MYH11: variants seen among roughly 807,000 people sequenced by gnomAD.
The protein encoded by MYH11 is myosin heavy chain 11.
MYH11 carries 80 observed loss-of-function variants against 246.6 expected under a neutral mutation model. That is an observed-to-expected ratio of 0.32 (90% CI 0.27 to 0.39). The LOEUF (loss-of-function observed/expected upper bound fraction) is 0.39, where lower values mean the gene tolerates loss of function less well. Ranked by LOEUF, MYH11 falls within the 10% of genes least tolerant of loss-of-function variation. The pLI, the probability that MYH11 is intolerant of heterozygous loss-of-function variation, is 1.00. For synonymous variants in MYH11, 1,071 were observed against 1,015.5 expected, an observed-to-expected ratio of 1.05 and a Z score of -1.04; for missense variants, 2,158 against 2,546.8, an observed-to-expected ratio of 0.85 and a Z score of 3.29.
chr16:15,828,432 T>G (rs2043629363), intron 2 of MYH11, among the ~76,000 whole-genome samples: 1 of 152,146 alleles, frequency 6.6e-6, no homozygotes, highest in Admixed American at 6.6e-5. Flanking sequence ...CTCTCCTCTT[T>G]TAGAGCTCTG....
chr16:15,838,323 A>G (rs1384851521), intron 1 of MYH11, 54 bp from the exon 2 acceptor site: 4 of 1,442,158 alleles, frequency 2.8e-6, no homozygotes, highest in Non-Finnish European at 3.9e-6. Flanking sequence ...CCCGGAAGAC[A>G]GACCAACCAC....
chr16:15,707,650 C>T (rs1156765951), intron 40 of MYH11, among the ~76,000 whole-genome samples: 1 of 152,162 alleles, frequency 6.6e-6, no homozygotes, highest in Admixed American at 6.6e-5. Flanking sequence ...TTGGTTTGGC[C>T]TCTCCATGAG....
intron 31 of MYH11, 48 bp from the exon 32 acceptor site, chr16:15,721,682 C>G (rs771836311): frequency 6.3e-7 from 1 of 1,595,560 alleles, no homozygotes; most frequent in Non-Finnish European, 8.6e-7. Flanking sequence ...CCGGGGTCAG[C>G]GTCACTGAAT....
Position 15,719,228 on chromosome 16 carries a change from C to A in MYH11, c.5163G>T (p.Leu1721=), listed in dbSNP as rs777919235. 16 of 1,613,634 alleles carry A rather than the reference C, an allele frequency of 9.9e-6. No individual in the cohort carries two copies. The East Asian group carries it at 3.3e-4, about 34-fold the overall frequency. ...TCCATTCAGTTTCCTACCTTCCCGA[C>A]AGGCTACTGGCCAGCTCCTCTGCCA... ...EELAEELASS[L]SGRNALQDEK... is the part of the protein sequence containing the mutation. The change falls in exon 36 of 41, where the codon CTG becomes CTT. Residue 1721 remains leucine (L), a synonymous_variant. Coordinates refer to ENST00000300036, the MANE Select transcript of MYH11 (RefSeq NM_002474.3).
At chr16:15,780,303 G>C (rs1044005532) in intron 6 of MYH11, among the ~76,000 whole-genome samples, 3 of 151,904 alleles carry the variant, frequency 2.0e-5, no homozygotes, top group Non-Finnish European at 4.4e-5. Context: ...GTGAACAGTG[G>C]GGCCAAGGAT....
At chr16:15,751,694 C>A (rs894640843) in intron 15 of MYH11, among the ~76,000 whole-genome samples, 4 of 149,780 alleles carry the variant, frequency 2.7e-5, no homozygotes, top group Non-Finnish European at 4.4e-5. Flanking sequence ...CTCACTGCAA[C>A]CTTCACCACC....
Position 15,726,972 on chromosome 16 carries a change from T to C in MYH11, c.3734A>G (p.Gln1245Arg). 3 of 1,611,954 alleles carry C rather than the reference T, an allele frequency of 1.9e-6. No individual in the cohort carries two copies. Among genetic ancestry groups the C allele is most frequent in the Non-Finnish European group, 2.5e-6 (3 of 1,178,810 alleles). Residue 1245 changes from glutamine (Q) to arginine (R), a missense_variant, in exon 28 of 41, where the codon CAG becomes CGG. Gln to Arg is a conservative substitution (Grantham distance 43, BLOSUM62 1). Transcript: ENST00000300036. Reference sequence around the variant, plus strand: ...CTTATGTTCCACCTCCTGCTTGGCCTGGCCCAGGACCCGCAGCTCCCCGGC... The same window carrying C: ...CTTATGTTCCACCTCCTGCTTGGCCCGGCCCAGGACCCGCAGCTCCCCGGC... ...DLAGELRVLGQAKQEVEHKKK... is the reference protein window; with the variant it reads ...DLAGELRVLGRAKQEVEHKKK...
intron 38 of MYH11, 46 bp downstream of exon 38, chr16:15,717,094 C>G (rs1389494517): frequency 1.9e-6 from 3 of 1,595,674 alleles, no homozygotes; most frequent in Admixed American, 3.3e-5. Context: ...CTCCTGCTGT[C>G]CATCACCCCC....
intron 4 of MYH11, among the ~76,000 whole-genome samples, chr16:15,789,965 T>C (rs1036052672): frequency 6.6e-6 from 1 of 152,186 alleles, no homozygotes; most frequent in Non-Finnish European, 1.5e-5. Flanking sequence ...CAATAGTTCC[T>C]TCCTTTCCAC....
At chr16:15,830,929 T>C (rs982583954) in intron 2 of MYH11, among the ~76,000 whole-genome samples, 12 of 151,998 alleles carry the variant, frequency 7.9e-5, no homozygotes, top group African/African-American at 1.5e-4. Context: ...CCCAGCACCT[T>C]GGCAGGCCGA....
rs201510034 is a variant in MYH11 at position 15,725,556 on chromosome 16, C to A, written c.3859-564G>T. On this transcript the variant is annotated intron_variant, in intron 28 of 40. Coordinates refer to ENST00000300036, the MANE Select transcript of MYH11 (RefSeq NM_002474.3). ...TACTCCCTAGTGTCTCTGCATAAGT[C>A]CCTTTGAGGCTGTTAGCCTACCCCT... The A allele has an allele frequency of 4.0e-4, 164 of 408,828 alleles. No individual in the cohort carries two copies. In the East Asian group the frequency reaches 5.7e-3, roughly 14 times the overall value. The allele number at this position is 408,828 out of a possible 1,614,324, so 25.3% of individuals were successfully genotyped here. A position where few individuals can be genotyped will look rare whatever the true frequency, so the allele number is the denominator to read the frequency against.
chr16:15,821,983 T>C (rs2043426489), intron 3 of MYH11, among the ~76,000 whole-genome samples: 1 of 152,040 alleles, frequency 6.6e-6, no homozygotes, highest in Admixed American at 6.5e-5. Context: ...AACCTGAGAT[T>C]ACAGCTCCAA....
In MYH11 at chr16:15,833,688, C is replaced by T. The variant is rs558803564; in HGVS notation, c.345+4220G>A. 7.7e-4 allele frequency among the ~76,000 whole-genome samples: 118 copies of T among 152,268 alleles called. 1 individual carries two copies. The highest frequency in any genetic ancestry group is 2.7e-3 in the African/African-American group (113 of 41,554). On this transcript the variant is annotated intron_variant, in intron 2 of 40. Coordinates refer to ENST00000300036, the MANE Select transcript of MYH11 (RefSeq NM_002474.3). ...CTTCTCAAGGGCACATCGTTTGAGG[C>T]GAGCCTTGCAGAACGGAGGAGAAAG...
At chr16:15,753,916 A>C (rs2041642570) in intron 14 of MYH11, among the ~76,000 whole-genome samples, 1 of 152,080 alleles carries the variant, frequency 6.6e-6, no homozygotes, top group African/African-American at 2.4e-5. Flanking sequence ...TTAGAAATTA[A>C]GCATGGCAGC....
At position 15,741,766 on chromosome 16, in the gene MYH11, G is replaced by A. The variant is rs200716767; in HGVS notation, c.2646C>T (p.His882=). The change falls in exon 21 of 41, where the codon CAC becomes CAT. Residue 882 remains histidine, a synonymous_variant. Coordinates refer to ENST00000300036, the MANE Select transcript of MYH11 (RefSeq NM_002474.3). ...CATGCATCCATACAGGTACCTGCGA[G>A]TGCTTCTGTTCCAGCTCCTTAAGCT... ...ENELKELEQK[H]SQLTEEKNLL... is the part of the protein sequence containing the mutation. 1.2e-6 allele frequency: 2 copies of A among 1,614,174 alleles called. No homozygotes were observed. Among genetic ancestry groups the A allele is most frequent in the Non-Finnish European group, 8.5e-7 (1 of 1,180,040 alleles).
chr16:15,788,081 T>TG (rs1195869653), intron 4 of MYH11, among the ~76,000 whole-genome samples: 3 of 122,364 alleles, frequency 2.5e-5, no homozygotes, highest in Non-Finnish European at 3.4e-5. Context: ...GTAGATCTTT[T>TG]TTTTTTTTTT....
chr16:15,833,832 T>G (rs2043818571), intron 2 of MYH11, among the ~76,000 whole-genome samples: 1 of 152,202 alleles, frequency 6.6e-6, no homozygotes, highest in Non-Finnish European at 1.5e-5. Context: ...GAGAGTAAGT[T>G]ACTGTGCTCC....
intron 38 of MYH11, among the ~76,000 whole-genome samples, chr16:15,716,463 G>T (rs953276800): frequency 6.6e-6 from 1 of 152,146 alleles, no homozygotes; most frequent in Non-Finnish European, 1.5e-5. Context: ...AATTAAGAAG[G>T]CTTCCAGTGT....
chr16:15,838,317 G>T, intron 1 of MYH11, 48 bp from the exon 2 acceptor site: 1 of 1,497,336 alleles, frequency 6.7e-7, no homozygotes. Context: ...ACCAAGCCCG[G>T]AAGACAGACC....
Sources: gnomAD v4.1 joint callset for allele counts (sites outside exome capture counted in the v4.1 genomes callset) on GRCh38, gnomAD v4.1.1 for gene constraint, MANE v1.5 for transcripts, NCBI Gene and HGNC (gene_info 2026-07-23, HGNC 2026-07-21) for gene names.